Variants in GRID1 observed in about 807,000 individuals in gnomAD.
The protein encoded by GRID1 is glutamate ionotropic receptor delta type subunit 1, also known as glutamate receptor ionotropic, delta-1.
Under a neutral mutation model 98.0 loss-of-function variants are expected in GRID1, and 28 were observed. The ratio of observed to expected loss-of-function variants is 0.29; its 90% CI spans 0.21 to 0.39. The LOEUF (loss-of-function observed/expected upper bound fraction) is 0.39. Ranked by LOEUF, GRID1 falls within the 10% of genes least tolerant of loss-of-function variation. GRID1 has a pLI of 1.00. For synonymous variants in GRID1, 553 were observed against 538.5 expected (o/e 1.03, Z -0.37); for missense variants, 1,111 against 1,340.5 (o/e 0.83, Z 2.67).
At chr10:86,173,803 C>T (rs1449394054) in intron 3 of GRID1, among the ~76,000 whole-genome samples, 1 of 145,080 alleles carries the variant, frequency 6.9e-6, no homozygotes, top group Admixed American at 7.3e-5. Context: ...TCAATTCCCA[C>T]CTATGAGTGA....
chr10:86,223,701 G>C (rs142548772), intron 2 of GRID1, among the ~76,000 whole-genome samples: 702 of 152,370 alleles, frequency 4.6e-3, no homozygotes, highest in Non-Finnish European at 7.6e-3. Context: ...ATGGGAGTGG[G>C]CAATCCCCAG....
intron 4 of GRID1, among the ~76,000 whole-genome samples, chr10:86,017,712 T>C (rs993788094): frequency 1.6e-4 from 25 of 152,218 alleles, no homozygotes; most frequent in Non-Finnish European, 2.2e-4. Flanking sequence ...CCTTGAGTTA[T>C]TTGTGTGAAT....
chr10:85,753,320 G>A (rs1355877123), intron 8 of GRID1, among the ~76,000 whole-genome samples: 1 of 152,200 alleles, frequency 6.6e-6, no homozygotes, highest in Non-Finnish European at 1.5e-5. Flanking sequence ...TGTGGCACAT[G>A]GGCAGACTGA....
intron 3 of GRID1, among the ~76,000 whole-genome samples, chr10:86,159,753 C>G: frequency 6.6e-6 from 1 of 152,218 alleles, no homozygotes; most frequent in Non-Finnish European, 1.5e-5. Context: ...CTGGACTCCA[C>G]CCCTTACCAA....
intron 2 of GRID1, among the ~76,000 whole-genome samples, chr10:86,237,130 C>T (rs944066371): frequency 2.6e-5 from 4 of 152,168 alleles, no homozygotes; most frequent in African/African-American, 9.7e-5. Context: ...TCTCACTACG[C>T]TCCTGGGAGG....
intron 2 of GRID1, among the ~76,000 whole-genome samples, chr10:86,244,554 A>G (rs528452683): frequency 1.3e-4 from 20 of 152,364 alleles, no homozygotes; most frequent in Admixed American, 1.3e-3. Flanking sequence ...CGCGCCTGCA[A>G]GGAGGCTGCC....
In GRID1 at chr10:86,195,759, A is replaced by G. The variant is rs1287183644; in HGVS notation, c.520+10605T>C. Reference sequence around the variant, plus strand: ...ATGGCTGTGTCTGGGCGTGACCCCCACCTTTTGGTTCTAAGTGGCCTTGTC... The same window carrying G: ...ATGGCTGTGTCTGGGCGTGACCCCCGCCTTTTGGTTCTAAGTGGCCTTGTC... On this transcript the variant is annotated intron_variant, in intron 3 of 15. Transcript: ENST00000327946. The surrounding 1 kb of genome is among the most constrained non-coding windows in gnomAD (Gnocchi z 4.4). Among the ~76,000 whole-genome samples, 1 of 152,000 alleles carries G rather than the reference A, an allele frequency of 6.6e-6. No homozygotes were observed. The highest frequency in any genetic ancestry group is 1.5e-5 in the Non-Finnish European group (1 of 67,936).
At chr10:85,781,819 C>A (rs11201793) in intron 8 of GRID1, among the ~76,000 whole-genome samples, 11,471 of 142,500 alleles carry the variant, frequency 0.08, 893 homozygotes, top group African/African-American at 0.21. Flanking sequence ...AAAAAAAAAA[C>A]CAAAAACTAG....
chr10:85,667,699 C>T (rs1160066861), intron 12 of GRID1, among the ~76,000 whole-genome samples: 1 of 152,114 alleles, frequency 6.6e-6, no homozygotes, highest in African/African-American at 2.4e-5. Flanking sequence ...CCCAGTGTGC[C>T]CCCAGAACTG....
chr10:85,746,384 A>G (rs11201770), intron 8 of GRID1, among the ~76,000 whole-genome samples: 18,263 of 152,198 alleles, frequency 0.12, 1,266 homozygotes, highest in Middle Eastern at 0.22. Context: ...TAGCAATAAC[A>G]TCATCCTATG....
At chr10:86,004,273 G>A (rs923526196) in intron 4 of GRID1, among the ~76,000 whole-genome samples, 4 of 152,136 alleles carry the variant, frequency 2.6e-5, no homozygotes, top group African/African-American at 4.8e-5. Context: ...TTCTCCTGGA[G>A]GTTTACACAT....
chr10:86,185,070 G>A (rs1309510283), intron 3 of GRID1, among the ~76,000 whole-genome samples: 2 of 151,984 alleles, frequency 1.3e-5, no homozygotes, highest in Non-Finnish European at 2.9e-5. Context: ...GATTAATTTG[G>A]GGAGAACTAA....
At chr10:85,723,498 C>A (rs1208528313) in intron 11 of GRID1, among the ~76,000 whole-genome samples, 1 of 152,178 alleles carries the variant, frequency 6.6e-6, no homozygotes. Flanking sequence ...TATGTAAGAT[C>A]CCTTTCCAAT....
At chr10:86,093,717 C>CA (rs1291729627) in intron 4 of GRID1, among the ~76,000 whole-genome samples, 3 of 151,690 alleles carry the variant, frequency 2.0e-5, no homozygotes, top group Admixed American at 6.6e-5. Context: ...AAATTACCAA[C>CA]AAAAAAAAGT....
intron 4 of GRID1, among the ~76,000 whole-genome samples, chr10:85,995,312 AG>A (rs1284174920): frequency 1.3e-5 from 2 of 152,202 alleles, no homozygotes; most frequent in African/African-American, 2.4e-5. Context: ...CTGGAAAGAG[AG>A]GAAGTTCCCA....
At chr10:86,214,039 C>T (rs913933845) in intron 2 of GRID1, among the ~76,000 whole-genome samples, 1 of 152,202 alleles carries the variant, frequency 6.6e-6, no homozygotes, top group African/African-American at 2.4e-5. Flanking sequence ...CCAGTGGACC[C>T]TTACACCTCC....
chr10:86,075,521 AC>A (rs1843868602), intron 4 of GRID1, among the ~76,000 whole-genome samples: 1 of 152,116 alleles, frequency 6.6e-6, no homozygotes, highest in Non-Finnish European at 1.5e-5. Context: ...TGAACTTCCA[AC>A]CTCCAGAACT....
chr10:85,936,149 G>A (rs72845575), intron 4 of GRID1, among the ~76,000 whole-genome samples: 59 of 152,304 alleles, frequency 3.9e-4, no homozygotes, highest in Admixed American at 7.8e-4. Flanking sequence ...AGGGAGTCAG[G>A]GAAGGTTTCT....
chr10:85,829,880 T>C (rs781488455), intron 8 of GRID1, among the ~76,000 whole-genome samples: 2 of 152,004 alleles, frequency 1.3e-5, no homozygotes, highest in Non-Finnish European at 2.9e-5. Context: ...ACTGATGCCA[T>C]GCTACTGTGC....
Sources: gnomAD v4.1 joint callset for allele counts (sites outside exome capture counted in the v4.1 genomes callset) on GRCh38, gnomAD v4.1.1 for gene constraint, Gnocchi (gnomAD v3.1) non-coding constraint, MANE v1.5 for transcripts, NCBI Gene and HGNC (gene_info 2026-07-23, HGNC 2026-07-21) for gene names.